The following KIAA1210 variants were observed in gnomAD, a reference collection of about 807,000 sequenced individuals.
KIAA1210 encodes the protein acrosomal protein KIAA1210.
In KIAA1210, 48 loss-of-function variants were observed where a neutral mutation model predicts 78.9. The ratio of observed to expected loss-of-function variants is 0.61; its 90% CI spans 0.48 to 0.77. KIAA1210 has a LOEUF of 0.77. Among genes scored for constraint, KIAA1210 ranks in the 30% least tolerant of loss-of-function variants. KIAA1210 has a pLI of 0.00. For synonymous variants in KIAA1210, 406 were observed against 404.5 expected (o/e 1.00, Z -0.04); for missense variants, 1,108 against 1,100.0 (o/e 1.01, Z -0.10).
At chrX:119,102,284 T>C (rs1477877916) in intron 6 of KIAA1210, among the ~76,000 whole-genome samples, 4 of 112,878 alleles carry the variant, frequency 3.5e-5, no homozygotes, top group African/African-American at 1.3e-4. Context: ...ATAAGGAAAA[T>C]CACTTTGAAA....
upstream of KIAA1210, among the ~76,000 whole-genome samples, chrX:119,129,250 GA>G (rs1046198110): frequency 9.1e-5 from 10 of 110,198 alleles, no homozygotes; most frequent in East Asian, 2.8e-4. Flanking sequence ...TTCAATAAAA[GA>G]AAAAAAATTC....
chrX:119,141,269 G>A (rs1929044945), intron 2 of KIAA1210, among the ~76,000 whole-genome samples: 1 of 111,993 alleles, frequency 8.9e-6, no homozygotes, highest in South Asian at 3.8e-4. Context: ...GGATGGGCTA[G>A]TTAGTACTTA....
intron 2 of KIAA1210, among the ~76,000 whole-genome samples, chrX:119,140,342 G>T (rs965096043): frequency 2.8e-4 from 31 of 109,293 alleles, no homozygotes; most frequent in Non-Finnish European, 5.0e-4. Flanking sequence ...CAGCCTGGCC[G>T]ACATGGTGAA....
rs149241998 is a variant in KIAA1210, at chrX:119,145,013, C to A, written c.410+2460G>T. On this transcript the variant is annotated intron_variant, in intron 2 of 13. Coordinates refer to the KIAA1210 transcript ENST00000402510. Reference sequence around the variant, plus strand: ...TGGTTGTTTAATTTTAAATTACTTGCGATAAAATAAAATTAAATACTCAGT... The same window carrying A: ...TGGTTGTTTAATTTTAAATTACTTGAGATAAAATAAAATTAAATACTCAGT... 5.4e-3 allele frequency among the ~76,000 whole-genome samples: 607 copies of A among 111,675 alleles called. 1 individual carries two copies. Among genetic ancestry groups the A allele is most frequent in the Non-Finnish European group, 8.7e-3 (464 of 53,140 alleles).
In KIAA1210 at chrX:119,089,367, A is replaced by G. The variant is rs752747605; in HGVS notation, c.1335T>C (p.Asn445=). 4 of 1,211,338 alleles carry G rather than the reference A, an allele frequency of 3.3e-6. No homozygotes were observed. Among genetic ancestry groups the G allele is most frequent in the Admixed American group, 2.2e-5 (1 of 46,019 alleles). The change falls in exon 9 of 12, where the codon AAT becomes AAC. Residue 445 remains asparagine (N), a synonymous_variant. Transcript: ENST00000691062. ...LSDKDDMGRR[N]AGIDFGSRKA... ...TTCTGGATCCGAAATCTATGCCAGC[A>G]TTTCTCCTTCCCATGTCATCTTTAT...
upstream of KIAA1210, among the ~76,000 whole-genome samples, chrX:119,128,948 T>G (rs1928719776): frequency 8.9e-6 from 1 of 112,567 alleles, no homozygotes; most frequent in Non-Finnish European, 1.9e-5. Context: ...GTGCTGGGAT[T>G]ACTGGCGTGA....
chrX:119,096,726 C>A, intron 6 of KIAA1210, 35 bp from the exon 7 acceptor site: 1 of 1,048,173 alleles, frequency 9.5e-7, no homozygotes, highest in African/African-American at 1.9e-5. Flanking sequence ...CGAGTCAACC[C>A]GTATGCTGTT....
chrX:119,088,081 G>C lies in KIAA1210; in HGVS notation c.2621C>G (p.Pro874Arg), dbSNP rs1299591947. ...VEEGTYVEPLPPRCLSQPSER... is the reference protein window; with the variant it reads ...VEEGTYVEPLRPRCLSQPSER... The stretch of plus-strand genomic sequence containing the variant: ...CGAGGGCTGGGAAAGGCATCTGGGA[G>C]GCAGCGGTTCCACATAAGTGCCTTC... Residue 874 changes from proline (P) to arginine (R), a missense_variant, in exon 9 of 12, where the codon CCT (proline) becomes CGT (arginine). Coordinates refer to ENST00000691062, the MANE Select transcript of KIAA1210 (RefSeq NM_001394962.1). 3 of 1,211,385 alleles carry C rather than the reference G, an allele frequency of 2.5e-6. No individual in the cohort carries two copies. In the Admixed American group the frequency reaches 6.5e-5, roughly 26 times the overall value.
At chrX:119,095,758 G>A (rs748127402) in intron 7 of KIAA1210, among the ~76,000 whole-genome samples, 1 of 112,145 alleles carries the variant, frequency 8.9e-6, no homozygotes, top group African/African-American at 3.2e-5. Context: ...CAGGGATCAC[G>A]GAAAATAATC....
rs376468464 is a variant in KIAA1210 at position 119,087,196 on chromosome X, T to C, written c.3506A>G (p.Gln1169Arg). 1.3e-5 allele frequency: 16 copies of C among 1,209,972 alleles called. No individual in the cohort carries two copies. In the African/African-American group the frequency reaches 2.6e-4, roughly 20 times the overall value. The change falls in exon 9 of 12, where the codon CAG becomes CGG. Residue 1169 changes from glutamine to arginine, a missense_variant. Around this residue, in one of 5 missense-constraint regions of KIAA1210, gnomAD observed 245 missense variants for 278.8 expected, o/e 0.88. Coordinates refer to ENST00000691062, the MANE Select transcript of KIAA1210 (RefSeq NM_001394962.1). The stretch of plus-strand genomic sequence containing the variant: ...ATTCACTGGGCCCTTTGATGACATC[T>C]GTGGCTGGAATTTAGACCTATCTGA... ...QASDRSKFQP[Q>R]MSSKGPVNVP...
intron 2 of KIAA1210, among the ~76,000 whole-genome samples, chrX:119,123,066 G>T (rs1297968757): frequency 2.7e-5 from 3 of 111,872 alleles, no homozygotes; most frequent in African/African-American, 9.7e-5. Context: ...AGTGACATTT[G>T]CCTCCCTTTC....
chrX:119,123,684 TATC>T (rs1458282577), intron 1 of KIAA1210, 32 bp from the exon 2 acceptor site: 8 of 990,150 alleles, frequency 8.1e-6, no homozygotes, highest in Non-Finnish European at 1.1e-5. Context: ...AAAAGCAAAA[TATC>T]ATCATTTGAT....
In KIAA1210 at chrX:119,081,003, G is replaced by T. The variant is rs986162411; in HGVS notation, c.*326C>A. 6.8e-6 allele frequency: 1 copy of T among 147,716 alleles called. No individual in the cohort carries two copies. Among genetic ancestry groups the T allele is most frequent in the African/African-American group, 3.1e-5 (1 of 32,335 alleles). 12.2% of individuals were successfully genotyped at this position (147,716 alleles called of 1,213,427 possible). ...TGCTTGGCCGGGCGCGGTGGCTCAC[G>T]CCTGTAATCCCAGCTTTTGGGAGGC... On this transcript the variant is annotated 3_prime_UTR_variant, in exon 12 of 12. Transcript: ENST00000691062.
chrX:119,093,099 T>G (rs1032594388), intron 8 of KIAA1210, among the ~76,000 whole-genome samples: 1 of 112,231 alleles, frequency 8.9e-6, no homozygotes, highest in African/African-American at 3.2e-5. Context: ...TGGTGATATT[T>G]GTTGTTTGGG....
At chrX:119,085,604 G>C in intron 9 of KIAA1210, 58 bp from the exon 10 acceptor site, 1 of 1,048,404 alleles carries the variant, frequency 9.5e-7, no homozygotes, top group Non-Finnish European at 1.3e-6. Flanking sequence ...TCTTGAGCCT[G>C]GTTGGGGCTT....
In KIAA1210 at chrX:119,145,203, T is replaced by C. The variant is rs760842755; in HGVS notation, c.410+2270A>G. Reference sequence around the variant, plus strand: ...GGTGGGTCCTCCTCAGACTTCTACTTTGGGAAACTGTTATTAGTTTAAGGT... The same window carrying C: ...GGTGGGTCCTCCTCAGACTTCTACTCTGGGAAACTGTTATTAGTTTAAGGT... On this transcript the variant is annotated intron_variant, in intron 2 of 13. Coordinates refer to the KIAA1210 transcript ENST00000402510. Among the ~76,000 whole-genome samples, 5 of 110,634 alleles carry C rather than the reference T, an allele frequency of 4.5e-5. No homozygotes were observed. The South Asian group carries it at 2.0e-3, about 44-fold the overall frequency.
At chrX:119,125,156 A>G (rs990000766) in intron 1 of KIAA1210, among the ~76,000 whole-genome samples, 1 of 111,805 alleles carries the variant, frequency 8.9e-6, no homozygotes, top group Non-Finnish European at 1.9e-5. Flanking sequence ...AAACATATCA[A>G]ATAAGTATTG....
intron 1 of KIAA1210, among the ~76,000 whole-genome samples, chrX:119,125,735 A>ATATATATATATATTTTT (rs5903546): frequency 1.3e-4 from 2 of 15,792 alleles, no homozygotes; most frequent in African/African-American, 5.2e-4. Context: ...ATATATATAT[A>ATATATATATATATTTTT]TTTTTTTTTT....
At chrX:119,100,222 C>T (rs768366381) in intron 6 of KIAA1210, among the ~76,000 whole-genome samples, 2 of 106,836 alleles carry the variant, frequency 1.9e-5, no homozygotes, top group East Asian at 6.1e-4. Context: ...CCCAGCTACT[C>T]GGGGGACTGA....
Sources: gnomAD v4.1 joint callset for allele counts (sites outside exome capture counted in the v4.1 genomes callset) on GRCh38, gnomAD v4.1.1 for gene constraint, gnomAD v4.1.1 regional missense constraint, MANE v1.5 for transcripts, NCBI Gene and HGNC (gene_info 2026-07-23, HGNC 2026-07-21) for gene names.